Variants in PPM1E observed in about 807,000 individuals in gnomAD.
PPM1E encodes protein phosphatase 1E.
A neutral mutation model predicts 65.9 loss-of-function variants in PPM1E; 20 were observed. The observed-to-expected ratio is 0.30, with a 90% CI of 0.21 to 0.44. The LOEUF (loss-of-function observed/expected upper bound fraction) is 0.44, where lower values mean the gene tolerates loss of function less well. Ranked by LOEUF, PPM1E falls within the 20% of genes least tolerant of loss-of-function variation. The probability of loss-of-function intolerance (pLI) is 1.00; values close to 1 mark genes in which losing one functional copy is unlikely to be tolerated. For missense variants in PPM1E, 713 were observed against 953.1 expected, an observed-to-expected ratio of 0.75 and a Z score of 3.32; for synonymous variants, 352 against 374.9, an observed-to-expected ratio of 0.94 and a Z score of 0.70.
intron 1 of PPM1E, among the ~76,000 whole-genome samples, chr17:58,782,484 G>C (rs577399896): frequency 6.7e-6 from 1 of 150,152 alleles, no homozygotes; most frequent in South Asian, 2.1e-4. Flanking sequence ...TCACTGCAAA[G>C]TCTGCCTCCC....
At position 58,980,749 on chromosome 17, in the gene PPM1E, C is replaced by G. The variant is rs2031308449; in HGVS notation, c.1986C>G (p.Asn662Lys). ...ATGAACAGTTCAAATCCCCGGGAAA[C>G]AGAGTTTCTAGATTGTCTCATTTAC... is the stretch of plus-strand genomic sequence containing the variant. ...LENEQFKSPG[N>K]RVSRLSHLRH... The change falls in exon 7 of 7, where the codon AAC becomes AAG. Residue 662 changes from asparagine to lysine, a missense_variant. Physicochemically the swap from Asn to Lys is moderately conservative, Grantham distance 94. This residue lies in a region of PPM1E where 286 missense variants were observed against 313.8 expected (regional missense o/e 0.91). Coordinates refer to ENST00000308249, the MANE Select transcript of PPM1E (RefSeq NM_014906.5). The surrounding 1 kb of genome is among the most constrained non-coding windows in gnomAD (Gnocchi z 4.7). 2 of 1,614,132 alleles carry G rather than the reference C, an allele frequency of 1.2e-6. No homozygotes were observed. Among genetic ancestry groups the G allele is most frequent in the Non-Finnish European group, 1.7e-6 (2 of 1,180,002 alleles).
chr17:58,845,512 A>G (rs1007310633), intron 1 of PPM1E, among the ~76,000 whole-genome samples: 2 of 152,030 alleles, frequency 1.3e-5, no homozygotes, highest in African/African-American at 4.8e-5. Context: ...TCCTCCTCTT[A>G]GCCCCTGGCA....
rs1445725200 is a variant in PPM1E, at chr17:58,759,275, G to A, written c.464+2814G>A. 2.0e-5 allele frequency among the ~76,000 whole-genome samples: 3 copies of A among 152,118 alleles called. No individual in the cohort carries two copies. The East Asian group carries it at 5.8e-4, about 29-fold the overall frequency. On this transcript the variant is annotated intron_variant, in intron 1 of 6. Transcript: ENST00000308249. ...TGTCTCAAAAAAAAAAGTTACCTAC[G>A]TTTTACTCCTTTCTCTAAGTTTAAA...
At chr17:58,833,335 T>C (rs1421925977) in intron 1 of PPM1E, among the ~76,000 whole-genome samples, 1 of 149,072 alleles carries the variant, frequency 6.7e-6, no homozygotes, top group African/African-American at 2.5e-5. Flanking sequence ...TGGAATCATC[T>C]AGTATGTGAC....
intron 1 of PPM1E, among the ~76,000 whole-genome samples, chr17:58,848,747 G>A (rs887824794): frequency 5.9e-5 from 9 of 152,136 alleles, no homozygotes; most frequent in Admixed American, 1.3e-4. Flanking sequence ...CTTTTGTTGT[G>A]TCTCTGCCAG....
At chr17:58,772,662 C>T (rs962248856) in intron 1 of PPM1E, among the ~76,000 whole-genome samples, 3 of 152,090 alleles carry the variant, frequency 2.0e-5, no homozygotes, top group Admixed American at 1.3e-4. Flanking sequence ...AAGCATAGCA[C>T]ATTTGGTACT....
chr17:58,778,877 C>T (rs2050022194), intron 1 of PPM1E, among the ~76,000 whole-genome samples: 1 of 146,362 alleles, frequency 6.8e-6, no homozygotes, highest in South Asian at 2.1e-4. Context: ...GAATAGTTTT[C>T]TCTATTTCTT....
chr17:58,982,621 G>A lies in PPM1E; in HGVS notation c.*1590G>A. 1 of 398,382 alleles carries A rather than the reference G, an allele frequency of 2.5e-6. No homozygotes were observed. The highest frequency in any genetic ancestry group is 4.5e-6 in the Non-Finnish European group (1 of 220,142). The allele number at this position is 398,382 out of a possible 1,614,324, so 24.7% of individuals were successfully genotyped here. A position where few individuals can be genotyped will look rare whatever the true frequency, so the allele number is the denominator to read the frequency against. On this transcript the variant is annotated 3_prime_UTR_variant, in exon 7 of 7. Transcript: ENST00000308249. ...GATACCAGTATAGCTATATCAAATA[G>A]ACAAAAACAGCTTCACTTTAGCAAT...
intron 1 of PPM1E, among the ~76,000 whole-genome samples, chr17:58,919,532 T>G (rs940417179): frequency 1.2e-4 from 19 of 152,140 alleles, no homozygotes; most frequent in African/African-American, 4.3e-4. Context: ...ACACCTGTAA[T>G]CCCAGCACTT....
In PPM1E at chr17:58,782,608, C is replaced by T. The variant is rs372547303; in HGVS notation, c.464+26147C>T. On this transcript the variant is annotated intron_variant, in intron 1 of 6. Transcript: ENST00000308249. ...GTATTTTTTAATAGAGACGGGGTTT[C>T]ACCAAGTTGATCAGGCTGGTCTTGA... 2.2e-3 allele frequency among the ~76,000 whole-genome samples: 326 copies of T among 150,274 alleles called. 2 individuals carry two copies. The highest frequency in any genetic ancestry group is 0.017 in the Middle Eastern group (5 of 294).
At chr17:58,949,101 G>C (rs2052201917) in intron 1 of PPM1E, among the ~76,000 whole-genome samples, 1 of 152,150 alleles carries the variant, frequency 6.6e-6, no homozygotes, top group South Asian at 2.1e-4. Context: ...GGGTGTTGAA[G>C]TCCCCAGCTG....
At chr17:58,934,459 G>A (rs1318011074) in intron 1 of PPM1E, among the ~76,000 whole-genome samples, 2 of 152,056 alleles carry the variant, frequency 1.3e-5, no homozygotes, top group Non-Finnish European at 2.9e-5. Flanking sequence ...TTCATTCTAA[G>A]GAGTTAGGGA....
intron 1 of PPM1E, among the ~76,000 whole-genome samples, chr17:58,907,750 C>T (rs1485139520): frequency 2.6e-5 from 4 of 152,318 alleles, no homozygotes; most frequent in African/African-American, 9.6e-5. Flanking sequence ...TGCCCTTCTT[C>T]AGCCCTGATA....
chr17:58,851,583 C>T (rs1452766144), intron 1 of PPM1E, among the ~76,000 whole-genome samples: 1 of 152,208 alleles, frequency 6.6e-6, no homozygotes, highest in East Asian at 1.9e-4. Context: ...CCAGCAGATG[C>T]TGCAGAACAG....
intron 1 of PPM1E, among the ~76,000 whole-genome samples, chr17:58,892,266 T>G (rs1346959110): frequency 6.6e-6 from 1 of 152,162 alleles, no homozygotes; most frequent in Non-Finnish European, 1.5e-5. Context: ...CATGCTTGTG[T>G]TACATTTTAA....
chr17:58,799,767 AT>A (rs2050241946), intron 1 of PPM1E, among the ~76,000 whole-genome samples: 1 of 152,038 alleles, frequency 6.6e-6, no homozygotes, highest in African/African-American at 2.4e-5. Context: ...TTTGGTAGAG[AT>A]GGGGTTTCAC....
chr17:58,926,315 G>A (rs1394708759), intron 1 of PPM1E, among the ~76,000 whole-genome samples: 1 of 150,418 alleles, frequency 6.6e-6, no homozygotes, highest in Non-Finnish European at 1.5e-5. Context: ...CTGGGTGACA[G>A]AGTGAGACTC....
At chr17:58,937,542 G>A (rs148191890) in intron 1 of PPM1E, among the ~76,000 whole-genome samples, 4 of 148,804 alleles carry the variant, frequency 2.7e-5, no homozygotes, top group East Asian at 2.1e-4. Flanking sequence ...GATTACAGTC[G>A]TGAGCCACAT....
intron 2 of PPM1E, among the ~76,000 whole-genome samples, chr17:58,964,914 G>A (rs1039760484): frequency 4.6e-5 from 7 of 151,964 alleles, no homozygotes; most frequent in African/African-American, 1.4e-4. Context: ...GCATGATGGC[G>A]GGCACCTGTA....
Sources: allele counts gnomAD v4.1 joint callset (sites outside exome capture counted in the v4.1 genomes callset), GRCh38; gene constraint gnomAD v4.1.1; regional missense constraint gnomAD v4.1.1; non-coding constraint Gnocchi (gnomAD v3.1); transcripts MANE v1.5; gene names NCBI Gene and HGNC (gene_info 2026-07-23, HGNC 2026-07-21).